The following GRIN2B variants were observed in gnomAD, a reference collection of about 807,000 sequenced individuals.
The protein encoded by GRIN2B is glutamate receptor ionotropic, NMDA 2B.
Under a neutral mutation model 114.5 loss-of-function variants are expected in GRIN2B, and 5 were observed. That is an observed-to-expected ratio of 0.04 (90% CI 0.02 to 0.09). The LOEUF (loss-of-function observed/expected upper bound fraction) is 0.09, where lower values mean the gene tolerates loss of function less well. GRIN2B is among the 10% of genes least tolerant of loss of function. GRIN2B has a pLI of 1.00. For missense variants in GRIN2B, 1,108 were observed against 1,943.5 expected, an observed-to-expected ratio of 0.57 and a Z score of 8.08; for synonymous variants, 787 against 745.1, an observed-to-expected ratio of 1.06 and a Z score of -0.92.
chr12:13,570,329 G>A (rs1948690333), intron 11 of GRIN2B, among the ~76,000 whole-genome samples: 1 of 152,284 alleles, frequency 6.6e-6, no homozygotes, highest in East Asian at 1.9e-4. Flanking sequence ...AATAATAACA[G>A]AAATAATGAA....
intron 5 of GRIN2B, among the ~76,000 whole-genome samples, chr12:13,621,607 G>GTT (rs759603737): frequency 0.017 from 456 of 27,632 alleles, 24 homozygotes; most frequent in African/African-American, 0.046. Flanking sequence ...AAATTGCCTA[G>GTT]TTTTTGTTTT....
chr12:13,573,831 A>G (rs1036826312), intron 10 of GRIN2B, among the ~76,000 whole-genome samples: 3 of 152,202 alleles, frequency 2.0e-5, no homozygotes, highest in Non-Finnish European at 4.4e-5. Flanking sequence ...CATAAATGCC[A>G]TCTTAATTGC....
chr12:13,719,419 T>TA (rs3831781), intron 4 of GRIN2B, among the ~76,000 whole-genome samples: 86,586 of 150,890 alleles, frequency 0.57, 25,865 homozygotes, highest in Middle Eastern at 0.71. Context: ...TAGGATCACT[T>TA]AAAAAAAAAG....
intron 4 of GRIN2B, among the ~76,000 whole-genome samples, chr12:13,680,146 G>T (rs1950114380): frequency 6.6e-6 from 1 of 152,054 alleles, no homozygotes; most frequent in Non-Finnish European, 1.5e-5. Flanking sequence ...GGCTAAACTA[G>T]ATCAAATGGC....
In GRIN2B at chr12:13,656,293, G is replaced by T. The variant is rs193143125; in HGVS notation, c.1125+19452C>A. 2.6e-5 allele frequency among the ~76,000 whole-genome samples: 4 copies of T among 152,288 alleles called. No homozygotes were observed. In the East Asian group the frequency reaches 7.7e-4, roughly 29 times the overall value. ...AAGATTACAGAGAAAGAGACAAATG[G>T]TCACACGTAAAACAGTATCTAGGAT... On this transcript the variant is annotated intron_variant, in intron 5 of 13. Transcript: ENST00000609686.
intron 3 of GRIN2B, among the ~76,000 whole-genome samples, chr12:13,841,935 C>T (rs774221080): frequency 2.6e-5 from 4 of 152,066 alleles, no homozygotes; most frequent in African/African-American, 9.7e-5. Context: ...AACAATTCAT[C>T]GTGCTACATC....
At chr12:13,948,736 T>G (rs1867414432) in intron 2 of GRIN2B, among the ~76,000 whole-genome samples, 1 of 152,064 alleles carries the variant, frequency 6.6e-6, no homozygotes. Context: ...GGATGGTGTG[T>G]CTTGATTTAC....
At chr12:13,929,370 A>G (rs987967466) in intron 2 of GRIN2B, among the ~76,000 whole-genome samples, 1 of 152,128 alleles carries the variant, frequency 6.6e-6, no homozygotes, top group African/African-American at 2.4e-5. Context: ...ACAGTATGTG[A>G]TCACCAGGAA....
At position 13,872,763 on chromosome 12, in the gene GRIN2B, T is replaced by G. The variant is rs138073394; in HGVS notation, c.-18-6537A>C. Among the ~76,000 whole-genome samples, 3 of 152,312 alleles carry G rather than the reference T, an allele frequency of 2.0e-5. No homozygotes were observed. In the East Asian group the frequency reaches 5.8e-4, roughly 29 times the overall value. Reference sequence around the variant, plus strand: ...CAAGAGATCGTCAGCCTTTACCTGGTGGGTACATCCAATAACTGTAATCTA... The same window carrying G: ...CAAGAGATCGTCAGCCTTTACCTGGGGGGTACATCCAATAACTGTAATCTA... On this transcript the variant is annotated intron_variant, in intron 2 of 13. Coordinates refer to ENST00000609686, the MANE Select transcript of GRIN2B (RefSeq NM_000834.5).
chr12:13,642,869 T>G (rs965218239), intron 5 of GRIN2B, among the ~76,000 whole-genome samples: 1 of 152,096 alleles, frequency 6.6e-6, no homozygotes, highest in African/African-American at 2.4e-5. Flanking sequence ...TTTGGCAGAG[T>G]TGGGGCTTGG....
At chr12:13,722,512 TGCAGGTAA>T (rs1862900505) in intron 4 of GRIN2B, among the ~76,000 whole-genome samples, 1 of 152,030 alleles carries the variant, frequency 6.6e-6, no homozygotes, top group African/African-American at 2.4e-5. Context: ...TGGGTACCGA[TGCAGGTAA>T]GCTGGTAACT....
chr12:13,751,659 T>C (rs1232776391), intron 4 of GRIN2B, among the ~76,000 whole-genome samples: 2 of 152,046 alleles, frequency 1.3e-5, no homozygotes, highest in Non-Finnish European at 2.9e-5. Context: ...GGAGAAGAGA[T>C]AGAAGTTGAG....
chr12:13,935,825 A>C (rs1867117780), intron 2 of GRIN2B, among the ~76,000 whole-genome samples: 1 of 152,210 alleles, frequency 6.6e-6, no homozygotes, highest in Non-Finnish European at 1.5e-5. Flanking sequence ...AACAGCTATA[A>C]AGCTGGACAA....
chr12:13,754,509 T>C (rs1863544040), intron 3 of GRIN2B, among the ~76,000 whole-genome samples: 1 of 152,158 alleles, frequency 6.6e-6, no homozygotes, highest in South Asian at 2.1e-4. Context: ...GTCCAGAAGG[T>C]GAATGGTACT....
At chr12:13,643,027 T>C (rs1036510650) in intron 5 of GRIN2B, among the ~76,000 whole-genome samples, 24 of 152,272 alleles carry the variant, frequency 1.6e-4, no homozygotes, top group African/African-American at 5.3e-4. Flanking sequence ...CACCACACAA[T>C]AGAGAACTGT....
intron 4 of GRIN2B, among the ~76,000 whole-genome samples, chr12:13,693,417 G>A (rs544220380): frequency 7.8e-4 from 119 of 152,042 alleles, no homozygotes; most frequent in African/African-American, 2.8e-3. Flanking sequence ...ATAAAGCATG[G>A]CATATACCTT....
At chr12:13,805,503 G>T (rs547975818) in intron 3 of GRIN2B, among the ~76,000 whole-genome samples, 18 of 152,190 alleles carry the variant, frequency 1.2e-4, no homozygotes, top group South Asian at 4.1e-4. Context: ...ATCCCCATGG[G>T]GAGGTGTTTC....
intron 4 of GRIN2B, among the ~76,000 whole-genome samples, chr12:13,750,204 C>T (rs1192608021): frequency 2.6e-5 from 4 of 152,230 alleles, no homozygotes; most frequent in Admixed American, 1.3e-4. Flanking sequence ...ATCCTTATTC[C>T]CTGTAGGACT....
rs557920954 is a variant in GRIN2B at position 13,571,676 on chromosome 12, G to A, written c.2171+128C>T. On this transcript the variant is annotated intron_variant, in intron 11 of 13. Coordinates refer to ENST00000609686, the MANE Select transcript of GRIN2B (RefSeq NM_000834.5). ...CAAATTTAACTTGGAAATCCATAAAGAGCAAATGAAGTCTTCTTTAACATT... is the reference window on the plus strand; with the variant it reads ...CAAATTTAACTTGGAAATCCATAAAAAGCAAATGAAGTCTTCTTTAACATT... 1.4e-5 allele frequency: 14 copies of A among 975,102 alleles called. No homozygotes were observed. The South Asian group carries it at 1.7e-4, about 12-fold the overall frequency. 60.4% of individuals were successfully genotyped at this position (975,102 alleles called of 1,614,324 possible).
Sources: allele counts gnomAD v4.1 joint callset (sites outside exome capture counted in the v4.1 genomes callset), GRCh38; gene constraint gnomAD v4.1.1; transcripts MANE v1.5; gene names NCBI Gene and HGNC (gene_info 2026-07-23, HGNC 2026-07-21).